CCT6A: variants seen among roughly 807,000 people sequenced by gnomAD.
CCT6A encodes chaperonin containing TCP1 subunit 6A.
CCT6A carries 6 observed loss-of-function variants against 58.6 expected under a neutral mutation model. The observed-to-expected ratio is 0.10, with a 90% confidence interval of 0.06 to 0.20. CCT6A has a LOEUF of 0.20. Ranked by LOEUF, CCT6A falls within the 10% of genes least tolerant of loss-of-function variation. The pLI is 1.00. For synonymous variants in CCT6A, 245 were observed against 227.8 expected, an observed-to-expected ratio of 1.08 and a Z score of -0.68; for missense variants, 516 against 648.8, an observed-to-expected ratio of 0.80 and a Z score of 2.22.
chr7:56,052,039 C>G, intron 1 of CCT6A, 54 bp downstream of exon 1: 2 of 1,361,380 alleles, frequency 1.5e-6, no homozygotes, highest in Non-Finnish European at 1.9e-6. Context: ...CGCCGCGCTC[C>G]TGGCGGGCCC....
In CCT6A at chr7:56,057,880, CAAAAAA is replaced by C. The variant is rs1184713024; in HGVS notation, c.615-112_615-107del. The C allele has an allele frequency of 3.0e-5, 20 of 675,850 alleles. No individual in the cohort carries two copies. The East Asian group carries it at 4.9e-4, about 16-fold the overall frequency. The allele number at this position is 675,850 out of a possible 1,614,324, so 41.9% of individuals were successfully genotyped here. A position where few individuals can be genotyped will look rare whatever the true frequency, so the allele number is the denominator to read the frequency against. ...TGGGCAACAGAGCGAGACTTCATCT[CAAAAAA>C]GAAAAATGTGACTGCGTGAAATATC... On this transcript the variant is annotated intron_variant, in intron 5 of 13. Transcript: ENST00000275603.
At chr7:56,057,525 T>G (rs977239461) in intron 5 of CCT6A, among the ~76,000 whole-genome samples, 2 of 152,162 alleles carry the variant, frequency 1.3e-5, no homozygotes, top group African/African-American at 4.8e-5. Flanking sequence ...CATCACAGTT[T>G]GACAGCCTAC....
intron 6 of CCT6A, 124 bp from the exon 7 acceptor site, chr7:56,058,238 T>C: frequency 1.2e-6 from 1 of 859,040 alleles, no homozygotes; most frequent in Non-Finnish European, 1.8e-6. Context: ...GGAAACAGTC[T>C]CTGAAGATGC....
chr7:56,058,162 T>A lies in CCT6A; in HGVS notation c.725+59T>A, dbSNP rs533956429. The A allele has an allele frequency of 3.6e-6, 4 of 1,106,732 alleles. No individual in the cohort carries two copies. In the South Asian group the frequency reaches 5.1e-5, roughly 14 times the overall value. 68.6% of individuals were successfully genotyped at this position (1,106,732 alleles called of 1,614,324 possible). A position where few individuals can be genotyped will look rare whatever the true frequency, so the allele number is the denominator to read the frequency against. ...AAGCTTCGTATTTTAGGCGAGTTAC[T>A]TTTTTGTGAAACTTTGTTTCCCACT... On this transcript the variant is annotated intron_variant, in intron 6 of 13. Coordinates refer to ENST00000275603, the MANE Select transcript of CCT6A (RefSeq NM_001762.4).
chr7:56,062,500 A>C, intron 12 of CCT6A, 183 bp from the exon 13 acceptor site: 1 of 636,378 alleles, frequency 1.6e-6, no homozygotes, highest in Non-Finnish European at 2.8e-6. Context: ...AGTATAAGTC[A>C]GACATTCATC....
In CCT6A at chr7:56,058,347, T is replaced by G. The variant is rs1278579161; in HGVS notation, c.726-15T>G. 2 of 1,549,018 alleles carry G rather than the reference T, an allele frequency of 1.3e-6. No homozygotes were observed. The highest frequency in any genetic ancestry group is 1.7e-6 in the Non-Finnish European group (2 of 1,151,888). On this transcript the variant is annotated splice_polypyrimidine_tract_variant and intron_variant, in intron 6 of 13. Transcript: ENST00000275603. ...ATGTTTCCCTGCTTTCTGTAACTTT[T>G]TTTTTTCTTAATAGAGAAGTGAATT...
At chr7:56,062,528 G>GTCATGGTTTAGAGTAGAAAATTGGGC in intron 12 of CCT6A, 155 bp from the exon 13 acceptor site, 1 of 683,418 alleles carries the variant, frequency 1.5e-6, no homozygotes, top group Non-Finnish European at 2.6e-6. Context: ...GTGGACGGGG[G>GTCATGGTTTAGAGTAGAAAATTGGGC]TCATGGTTTA....
Position 56,058,343 on chromosome 7 carries a change from C to T in CCT6A, c.726-19C>T. The T allele has an allele frequency of 7.0e-7, 1 of 1,431,224 alleles. No homozygotes were observed. Among genetic ancestry groups the T allele is most frequent in the South Asian group, 1.4e-5 (1 of 73,578 alleles). 88.7% of individuals were successfully genotyped at this position (1,431,224 alleles called of 1,614,324 possible). ...CTTAATGTTTCCCTGCTTTCTGTAA[C>T]TTTTTTTTTTCTTAATAGAGAAGTG... On this transcript the variant is annotated intron_variant, in intron 6 of 13. Coordinates refer to ENST00000275603, the MANE Select transcript of CCT6A (RefSeq NM_001762.4).
At chr7:56,061,673 T>C (rs1431543917) in intron 11 of CCT6A, 74 bp from the exon 12 acceptor site, 5 of 210,802 alleles carry the variant, frequency 2.4e-5, no homozygotes, top group Non-Finnish European at 4.5e-5. Context: ...TTTTTCTTTT[T>C]TTTTTTTTTT....
At chr7:56,056,041 TAGAA>T (rs1344563409) in intron 4 of CCT6A, among the ~76,000 whole-genome samples, 1 of 152,214 alleles carries the variant, frequency 6.6e-6, no homozygotes, top group East Asian at 1.9e-4. Context: ...ATTTTTTTAT[TAGAA>T]AGCTTCCAGT....
intron 11 of CCT6A, among the ~76,000 whole-genome samples, chr7:56,061,356 C>A (rs1244653535): frequency 7.0e-6 from 1 of 143,584 alleles, no homozygotes; most frequent in Non-Finnish European, 1.5e-5. Context: ...CATAAATGTT[C>A]TGTCTTTATG....
chr7:56,055,212 TGTG>T (rs1282702916), intron 3 of CCT6A, among the ~76,000 whole-genome samples: 2 of 152,132 alleles, frequency 1.3e-5, no homozygotes, highest in Admixed American at 1.3e-4. Context: ...AGGTGGAGGT[TGTG>T]GTGAGTCGAG....
At chr7:56,054,334 T>C in intron 2 of CCT6A, 35 bp from the exon 3 acceptor site, 2 of 1,562,364 alleles carry the variant, frequency 1.3e-6, no homozygotes, top group Non-Finnish European at 1.8e-6. Flanking sequence ...CTGCTTCATA[T>C]TGTTTTAAGT....
chr7:56,055,630 C>A lies in CCT6A; in HGVS notation c.343C>A (p.His115Asn). The change falls in exon 4 of 14, where the codon CAT becomes AAT. Residue 115 changes from histidine (H) to asparagine (N), a missense_variant. Coordinates refer to ENST00000275603, the MANE Select transcript of CCT6A (RefSeq NM_001762.4). ...TAATGTGTGTTTATTTTAGGGCCTT[C>A]ATCCTAGAATAATCACTGAAGGATT... ...QADLYISEGL[H>N]PRIITEGFEA... 1 of 1,613,204 alleles carries A rather than the reference C, an allele frequency of 6.2e-7. No homozygotes were observed.
intron 5 of CCT6A, among the ~76,000 whole-genome samples, chr7:56,057,461 C>T (rs1386283504): frequency 6.6e-6 from 1 of 152,026 alleles, no homozygotes; most frequent in Admixed American, 6.6e-5. Flanking sequence ...ACTTCTGCCT[C>T]CGTAAGTGCT....
Position 56,063,042 on chromosome 7 carries a change from T to C in CCT6A, c.1553T>C (p.Val518Ala). ...CTVIATNILL[V>A]DEIMRAGMSS... ...GTGATTGCCACCAACATTCTCTTGG[T>C]TGATGAGATCATGCGAGCTGGAATG... The change falls in exon 14 of 14, where the codon GTT becomes GCT. Residue 518 changes from valine (V) to alanine (A), a missense_variant. This residue lies in a region of CCT6A where 315 missense variants were observed against 389.4 expected (regional missense o/e 0.81). Coordinates refer to ENST00000275603, the MANE Select transcript of CCT6A (RefSeq NM_001762.4). 1 of 1,613,174 alleles carries C rather than the reference T, an allele frequency of 6.2e-7. No individual in the cohort carries two copies. The highest frequency in any genetic ancestry group is 8.5e-7 in the Non-Finnish European group (1 of 1,179,114).
intron 13 of CCT6A, 93 bp from the exon 14 acceptor site, chr7:56,062,920 G>A: frequency 1.7e-6 from 2 of 1,157,040 alleles, no homozygotes; most frequent in Non-Finnish European, 2.6e-6. Flanking sequence ...AATTTAATTG[G>A]ATGTAATGTG....
intron 1 of CCT6A, 147 bp downstream of exon 1, chr7:56,052,132 C>T (rs761299523): frequency 1.6e-4 from 118 of 728,218 alleles, no homozygotes; most frequent in Non-Finnish European, 2.2e-4. Flanking sequence ...TGTGTCCCTC[C>T]TAAGCCCCAC....
chr7:56,060,956 AC>A lies in CCT6A; in HGVS notation c.1347+17del, dbSNP rs1562851823. 5.0e-6 allele frequency: 8 copies of A among 1,584,356 alleles called. No homozygotes were observed. Among genetic ancestry groups the A allele is most frequent in the Non-Finnish European group, 6.8e-6 (8 of 1,169,294 alleles). ...TATTCCCAAGGTGTGCATGCTTTTA[AC>A]AGTCAATCTTCCAAAAGATTCAGCT... On this transcript the variant is annotated intron_variant, in intron 11 of 13. Transcript: ENST00000275603.
Sources: allele counts gnomAD v4.1 joint callset (sites outside exome capture counted in the v4.1 genomes callset), GRCh38; gene constraint gnomAD v4.1.1; regional missense constraint gnomAD v4.1.1; transcripts MANE v1.5; gene names NCBI Gene and HGNC (gene_info 2026-07-23, HGNC 2026-07-21).